ATP10B: variants seen among roughly 807,000 people sequenced by gnomAD.
The protein encoded by ATP10B is ATPase phospholipid transporting 10B (putative).
Under a neutral mutation model 141.2 loss-of-function variants are expected in ATP10B, and 122 were observed. That is an observed-to-expected ratio of 0.86 (90% CI 0.75 to 1.00). The LOEUF is 1.00. ATP10B is among the 50% of genes least tolerant of loss of function. ATP10B has a pLI of 0.00. For missense variants in ATP10B, 1,876 were observed against 1,825.3 expected, an observed-to-expected ratio of 1.03 and a Z score of -0.51; for synonymous variants, 685 against 692.0, an observed-to-expected ratio of 0.99 and a Z score of 0.16.
At chr5:160,841,744 T>A (rs1406034066) in intron 1 of ATP10B, among the ~76,000 whole-genome samples, 1 of 152,128 alleles carries the variant, frequency 6.6e-6, no homozygotes, top group African/African-American at 2.4e-5. Context: ...ATTATTTTTT[T>A]AAAGAAGTCT....
At chr5:160,622,332 T>C in intron 14 of ATP10B, 62 bp downstream of exon 14, 1 of 1,501,296 alleles carries the variant, frequency 6.7e-7, no homozygotes, top group Non-Finnish European at 8.9e-7. Flanking sequence ...CCCTCGCCCC[T>C]ACCCTGCCTT....
At chr5:160,652,892 TATAATATATTA>T (rs1760913057) in intron 7 of ATP10B, among the ~76,000 whole-genome samples, 1 of 67,996 alleles carries the variant, frequency 1.5e-5, no homozygotes, top group Non-Finnish European at 2.5e-5. Context: ...TATATAATTA[TATAATATATTA>T]TATATACATG....
the ATP10B span, among the ~76,000 whole-genome samples, chr5:160,881,873 C>T: frequency 6.6e-6 from 1 of 151,958 alleles, no homozygotes; most frequent in Non-Finnish European, 1.5e-5. Context: ...ACCAAGATTT[C>T]CTTCTATAAG....
intron 1 of ATP10B, among the ~76,000 whole-genome samples, chr5:160,851,137 C>T (rs1753780733): frequency 6.6e-6 from 1 of 152,208 alleles, no homozygotes; most frequent in Admixed American, 6.5e-5. Context: ...TCAAATTCTC[C>T]TCTGCCTACC....
At chr5:160,672,850 TG>T in intron 6 of ATP10B, among the ~76,000 whole-genome samples, 1 of 152,372 alleles carries the variant, frequency 6.6e-6, no homozygotes, top group East Asian at 1.9e-4. Context: ...AGGGTTTTGG[TG>T]TCTTCCTCCC....
intron 3 of ATP10B, among the ~76,000 whole-genome samples, chr5:160,706,576 G>A (rs1424417651): frequency 8.5e-5 from 13 of 152,228 alleles, no homozygotes; most frequent in East Asian, 3.9e-4. Context: ...GTTTACCTCC[G>A]TAGCCTGAGT....
intron 3 of ATP10B, among the ~76,000 whole-genome samples, chr5:160,716,678 A>G (rs1765680598): frequency 3.3e-5 from 5 of 152,250 alleles, no homozygotes; most frequent in Admixed American, 3.3e-4. Context: ...GGCTTAAACA[A>G]GGTAGAGGTT....
At chr5:160,716,072 C>G (rs1052427999) in intron 3 of ATP10B, among the ~76,000 whole-genome samples, 3 of 152,112 alleles carry the variant, frequency 2.0e-5, no homozygotes, top group African/African-American at 7.2e-5. Context: ...ATTTTCACAT[C>G]TATATACATA....
At chr5:160,677,819 C>A (rs907455096) in intron 6 of ATP10B, among the ~76,000 whole-genome samples, 7 of 152,222 alleles carry the variant, frequency 4.6e-5, no homozygotes, top group African/African-American at 1.7e-4. Context: ...ATAGCCCTGG[C>A]AAAGCTTAAA....
chr5:160,676,433 A>ATGAC (rs1485250881), intron 6 of ATP10B, among the ~76,000 whole-genome samples: 8 of 152,220 alleles, frequency 5.3e-5, no homozygotes, highest in African/African-American at 1.9e-4. Context: ...GGCACTGGAC[A>ATGAC]TGACGGTGCA....
the ATP10B span, among the ~76,000 whole-genome samples, chr5:160,890,023 C>T: frequency 3.9e-3 from 587 of 152,330 alleles, 3 homozygotes; most frequent in African/African-American, 0.013. Flanking sequence ...CTGGGAAAGC[C>T]TTCCCTGACT....
chr5:160,748,263 C>G (rs186458016), intron 2 of ATP10B, among the ~76,000 whole-genome samples: 41 of 152,308 alleles, frequency 2.7e-4, no homozygotes, highest in African/African-American at 9.9e-4. Context: ...CTTTAACAGG[C>G]TTCTTAACAT....
At chr5:160,617,166 C>A (rs990158738) in intron 16 of ATP10B, among the ~76,000 whole-genome samples, 4 of 152,164 alleles carry the variant, frequency 2.6e-5, no homozygotes, top group African/African-American at 4.8e-5. Flanking sequence ...AAATGTATGC[C>A]CATCATAGCA....
intron 24 of ATP10B, among the ~76,000 whole-genome samples, chr5:160,571,984 T>G (rs1322037073): frequency 6.6e-6 from 1 of 152,206 alleles, no homozygotes; most frequent in Non-Finnish European, 1.5e-5. Context: ...TATTTTAATG[T>G]TGTCTCTTAG....
At chr5:160,597,888 G>A (rs919737075) in intron 22 of ATP10B, among the ~76,000 whole-genome samples, 50 of 151,890 alleles carry the variant, frequency 3.3e-4, no homozygotes, top group South Asian at 1.0e-3. Flanking sequence ...AAAAAGTCAG[G>A]AAACAACAGA....
chr5:160,786,633 C>T (rs10866721), intron 1 of ATP10B, among the ~76,000 whole-genome samples: 1 of 152,006 alleles, frequency 6.6e-6, no homozygotes, highest in Admixed American at 6.6e-5. Flanking sequence ...AGTTGACACA[C>T]TCATTGCTAA....
At chr5:160,869,387 A>G in the ATP10B span, among the ~76,000 whole-genome samples, 1 of 152,100 alleles carries the variant, frequency 6.6e-6, no homozygotes, top group Non-Finnish European at 1.5e-5. Flanking sequence ...ATAGCTAAAC[A>G]TAAATATTAT....
intron 2 of ATP10B, among the ~76,000 whole-genome samples, chr5:160,729,195 C>T (rs2127791446): frequency 6.6e-6 from 1 of 152,140 alleles, no homozygotes; most frequent in South Asian, 2.1e-4. Context: ...TAAAAACTCT[C>T]TGGAAGCTTA....
At chr5:160,582,513 GT>G (rs1244472726) in intron 24 of ATP10B, among the ~76,000 whole-genome samples, 1 of 152,210 alleles carries the variant, frequency 6.6e-6, no homozygotes, top group Admixed American at 6.5e-5. Flanking sequence ...GATATCTGCT[GT>G]TAGTCTGATG....
Sources: gnomAD v4.1 joint callset for allele counts (sites outside exome capture counted in the v4.1 genomes callset) on GRCh38, gnomAD v4.1.1 for gene constraint, MANE v1.5 for transcripts, NCBI Gene and HGNC (gene_info 2026-07-23, HGNC 2026-07-21) for gene names.